The following PLEKHM3 variants were observed in gnomAD, a reference collection of about 807,000 sequenced individuals.
PLEKHM3 encodes the protein pleckstrin homology domain containing M3.
A neutral mutation model predicts 81.8 loss-of-function variants in PLEKHM3; 45 were observed. The ratio of observed to expected loss-of-function variants is 0.55; its 90% CI spans 0.43 to 0.71. PLEKHM3 has a LOEUF of 0.71. Among genes scored for constraint, PLEKHM3 ranks in the 30% least tolerant of loss-of-function variants. PLEKHM3 has a pLI of 0.00. For missense variants in PLEKHM3, 788 were observed against 924.3 expected (o/e 0.85, Z 1.91); for synonymous variants, 352 against 356.4 (o/e 0.99, Z 0.14).
At chr2:208,001,985 G>C (rs1339296499) in intron 1 of PLEKHM3, 28 bp from the exon 2 acceptor site, 1 of 282,928 alleles carries the variant, frequency 3.5e-6, no homozygotes, top group East Asian at 8.3e-5. Flanking sequence ...GGATAACATT[G>C]GCACATGGTT....
intron 1 of PLEKHM3, among the ~76,000 whole-genome samples, chr2:208,011,094 G>T (rs1260917583): frequency 6.7e-6 from 1 of 149,078 alleles, no homozygotes; most frequent in Non-Finnish European, 1.5e-5. Context: ...CAAAATAGAT[G>T]TTGGCGTGGA....
chr2:207,863,649 G>T (rs1406616202), intron 6 of PLEKHM3, among the ~76,000 whole-genome samples: 1 of 152,048 alleles, frequency 6.6e-6, no homozygotes, highest in South Asian at 2.1e-4. Flanking sequence ...TCAGTTAATG[G>T]GTGTCGAGTT....
At chr2:207,923,673 G>A (rs1347734163) in intron 5 of PLEKHM3, among the ~76,000 whole-genome samples, 2 of 151,402 alleles carry the variant, frequency 1.3e-5, no homozygotes, top group Non-Finnish European at 2.9e-5. Flanking sequence ...TAGAGACAAG[G>A]GGGATGGCAA....
chr2:207,914,681 CAAAAAA>C (rs34724181), intron 5 of PLEKHM3, among the ~76,000 whole-genome samples: 1 of 112,840 alleles, frequency 8.9e-6, no homozygotes, highest in Non-Finnish European at 1.9e-5. Flanking sequence ...GACCCTGTGT[CAAAAAA>C]AAAAAAAAAA....
At chr2:207,871,144 G>A (rs1205666814) in intron 6 of PLEKHM3, among the ~76,000 whole-genome samples, 3 of 152,060 alleles carry the variant, frequency 2.0e-5, no homozygotes, top group African/African-American at 7.2e-5. Flanking sequence ...AAAGTATATG[G>A]GATATTCCTA....
At chr2:207,856,016 G>A (rs1281544567) in intron 7 of PLEKHM3, among the ~76,000 whole-genome samples, 2 of 152,124 alleles carry the variant, frequency 1.3e-5, no homozygotes, top group African/African-American at 4.8e-5. Context: ...GGGAAACTGA[G>A]TGTGTGGTAT....
chr2:207,918,515 C>CT (rs2105916918), intron 5 of PLEKHM3, among the ~76,000 whole-genome samples: 1 of 152,034 alleles, frequency 6.6e-6, no homozygotes, highest in East Asian at 1.9e-4. Context: ...AAGCAAGACT[C>CT]TGTCTCAACA....
At chr2:207,833,169 T>C (rs530350233) in intron 7 of PLEKHM3, among the ~76,000 whole-genome samples, 21 of 151,820 alleles carry the variant, frequency 1.4e-4, no homozygotes, top group Non-Finnish European at 2.6e-4. Context: ...ACTGAGTTTC[T>C]TGACTGTATT....
Position 208,018,966 on chromosome 2 carries a change from T to C in PLEKHM3, c.-319+6423A>G, listed in dbSNP as rs180704338. 6.4e-4 allele frequency among the ~76,000 whole-genome samples: 97 copies of C among 151,780 alleles called. 1 individual carries two copies. The highest frequency in any genetic ancestry group is 2.2e-3 in the African/African-American group (90 of 41,376). On this transcript the variant is annotated intron_variant, in intron 1 of 7. Transcript: ENST00000427836. Reference sequence around the variant, plus strand: ...GTAATCCCAGCACTTTGAGCTGTGATTGTGCCACTGCATCTCACAAAAAAA... The same window carrying C: ...GTAATCCCAGCACTTTGAGCTGTGACTGTGCCACTGCATCTCACAAAAAAA...
intron 4 of PLEKHM3, among the ~76,000 whole-genome samples, chr2:207,936,948 G>A (rs1020658112): frequency 2.6e-5 from 4 of 151,246 alleles, no homozygotes; most frequent in Non-Finnish European, 5.9e-5. Flanking sequence ...TATCTAAATG[G>A]AAAGCTCTCT....
At chr2:207,831,977 G>T (rs2092291053) in intron 7 of PLEKHM3, among the ~76,000 whole-genome samples, 2 of 152,184 alleles carry the variant, frequency 1.3e-5, no homozygotes, top group African/African-American at 4.8e-5. Flanking sequence ...GGCAGTGATT[G>T]ATAAGGAGGA....
At chr2:207,988,832 T>A (rs1691807049) in intron 2 of PLEKHM3, among the ~76,000 whole-genome samples, 1 of 152,168 alleles carries the variant, frequency 6.6e-6, no homozygotes, top group African/African-American at 2.4e-5. Flanking sequence ...TTATAACCCT[T>A]GTCTCGCTCC....
chr2:207,961,995 C>G (rs1330197803), intron 3 of PLEKHM3, among the ~76,000 whole-genome samples: 2 of 152,182 alleles, frequency 1.3e-5, no homozygotes, highest in Non-Finnish European at 2.9e-5. Context: ...TTTGTCTAGT[C>G]TTTGTCCCTG....
chr2:207,955,047 C>T (rs1051546809), intron 3 of PLEKHM3, among the ~76,000 whole-genome samples: 4 of 152,202 alleles, frequency 2.6e-5, no homozygotes, highest in South Asian at 4.1e-4. Flanking sequence ...TGCTAAAGCA[C>T]GTAAGTAAAT....
intron 1 of PLEKHM3, chr2:208,019,518 T>C (rs1234283260): frequency 6.6e-6 from 1 of 152,272 alleles, no homozygotes; most frequent in African/African-American, 2.4e-5. Context: ...CAGGTCCATT[T>C]TGAATGGCCT....
intron 7 of PLEKHM3, among the ~76,000 whole-genome samples, chr2:207,832,514 G>A (rs901747959): frequency 6.6e-6 from 1 of 152,152 alleles, no homozygotes; most frequent in South Asian, 2.1e-4. Flanking sequence ...TTCATTGGCC[G>A]GGTGCAGTGG....
chr2:207,895,830 T>C (rs1205696569), intron 6 of PLEKHM3, among the ~76,000 whole-genome samples: 2 of 152,232 alleles, frequency 1.3e-5, no homozygotes, highest in African/African-American at 2.4e-5. Flanking sequence ...CAACAATTTG[T>C]CTTTAAGGAA....
chr2:207,848,619 G>A (rs933959032), intron 7 of PLEKHM3, among the ~76,000 whole-genome samples: 1 of 152,196 alleles, frequency 6.6e-6, no homozygotes, highest in African/African-American at 2.4e-5. Context: ...GCCTTTATAT[G>A]GTTTGAGTAC....
intron 7 of PLEKHM3, among the ~76,000 whole-genome samples, chr2:207,829,408 T>C (rs1022063052): frequency 1.3e-5 from 2 of 152,000 alleles, no homozygotes; most frequent in Admixed American, 1.3e-4. Context: ...TCCCGAGTAG[T>C]TGGGACTACA....
Sources: allele counts gnomAD v4.1 joint callset (sites outside exome capture counted in the v4.1 genomes callset), GRCh38; gene constraint gnomAD v4.1.1; transcripts MANE v1.5; gene names NCBI Gene and HGNC (gene_info 2026-07-23, HGNC 2026-07-21).